The following DOT1L variants were observed in gnomAD, a reference collection of about 807,000 sequenced individuals.
The protein encoded by DOT1L is histone-lysine N-methyltransferase, H3 lysine-79 specific.
Under a neutral mutation model 153.3 loss-of-function variants are expected in DOT1L, and 33 were observed. The observed-to-expected ratio is 0.22, with a 90% confidence interval of 0.16 to 0.29. The LOEUF is 0.29. Among genes scored for constraint, DOT1L ranks in the 10% least tolerant of loss-of-function variants. The pLI is 1.00. For synonymous variants in DOT1L, 1,135 were observed against 965.1 expected (o/e 1.18, Z -3.26); for missense variants, 1,847 against 2,119.9 (o/e 0.87, Z 2.53).
Position 2,181,760 on chromosome 19 carries a change from A to C in DOT1L, c.125+1004A>C, listed in dbSNP as rs113484249. ...CTGGACCCCAGCCCAGCCCCCGCCC[A>C]GCACCAGCCCCAGCCCCAGCCCCAG... On this transcript the variant is annotated intron_variant, in intron 2 of 27. Coordinates refer to ENST00000398665, the MANE Select transcript of DOT1L (RefSeq NM_032482.3). 7.8e-3 allele frequency among the ~76,000 whole-genome samples: 1,085 copies of C among 138,442 alleles called. 9 individuals are homozygous for C. Among genetic ancestry groups the C allele is most frequent in the African/African-American group, 0.026 (1,003 of 38,120 alleles). 90.8% of individuals were successfully genotyped at this position (138,442 alleles called of 152,430 possible).
rs2024154075 is a variant in DOT1L at position 2,222,398 on chromosome 19, C to T, written c.3229C>T (p.Pro1077Ser). The T allele has an allele frequency of 1.2e-6, 2 of 1,610,742 alleles. No homozygotes were observed. The highest frequency in any genetic ancestry group is 1.3e-5 in the African/African-American group (1 of 75,040). ...LTASARGDCV[P>S]SHGQDSRRRG... ...CGCCAGCGCCCGTGGGGACTGTGTG[C>T]CGAGCCACGGGCAGGACAGTCGCAG... The change falls in exon 24 of 28, where the codon CCG (proline) becomes TCG (serine). Residue 1077 changes from proline (P) to serine (S), a missense_variant. Physicochemically the swap from Pro to Ser is moderately conservative, Grantham distance 74. Coordinates refer to ENST00000398665, the MANE Select transcript of DOT1L (RefSeq NM_032482.3). The surrounding 1 kb of genome is among the most constrained non-coding windows in gnomAD (Gnocchi z 6.5).
chr19:2,202,021 C>A (rs2023307625), intron 8 of DOT1L, among the ~76,000 whole-genome samples: 1 of 152,220 alleles, frequency 6.6e-6, no homozygotes, highest in African/African-American at 2.4e-5. Flanking sequence ...CTTCCCTGAA[C>A]ACCCAGTTAC....
intron 7 of DOT1L, 121 bp from the exon 8 acceptor site, chr19:2,199,763 C>A: frequency 2.2e-6 from 3 of 1,367,686 alleles, no homozygotes; most frequent in Non-Finnish European, 3.0e-6. Context: ...GCCTGGGCCT[C>A]CTCCTGCTCC....
intron 19 of DOT1L, chr19:2,214,807 G>T (rs1292663558): frequency 1.6e-6 from 1 of 619,102 alleles, no homozygotes; most frequent in Admixed American, 3.5e-5. Flanking sequence ...CAGCTCTCGG[G>T]GGCATCTCGG....
intron 3 of DOT1L, among the ~76,000 whole-genome samples, chr19:2,187,016 T>C (rs901648222): frequency 1.3e-5 from 2 of 152,218 alleles, no homozygotes; most frequent in Admixed American, 6.5e-5. Context: ...CTCTGCACCC[T>C]GTGCTTTCGG....
chr19:2,227,866 C>T (rs2024421592), intron 27 of DOT1L: 3 of 1,280,488 alleles, frequency 2.3e-6, no homozygotes, highest in Non-Finnish European at 3.0e-6. Flanking sequence ...GCCTCGGCCT[C>T]TTCCTTTCAG....
chr19:2,180,572 C>T lies in DOT1L; in HGVS notation c.82-141C>T, dbSNP rs1034640325. Reference sequence around the variant, plus strand: ...GTCTGGGAGTGTCTCTGGTGGTACCCGCTGGGTGGTGGGCTTGGGAGCTGC... The same window carrying T: ...GTCTGGGAGTGTCTCTGGTGGTACCTGCTGGGTGGTGGGCTTGGGAGCTGC... On this transcript the variant is annotated intron_variant, in intron 1 of 27. Coordinates refer to ENST00000398665, the MANE Select transcript of DOT1L (RefSeq NM_032482.3). 1.7e-5 allele frequency: 17 copies of T among 983,574 alleles called. No homozygotes were observed. The Admixed American group carries it at 2.4e-4, about 14-fold the overall frequency. The allele number at this position is 983,574 out of a possible 1,614,324, so 60.9% of individuals were successfully genotyped here. A position where few individuals can be genotyped will look rare whatever the true frequency, so the allele number is the denominator to read the frequency against.
rs138798759 is a variant in DOT1L at position 2,196,490 on chromosome 19, G to A, written c.651+1913G>A. ...TGGAATTAAAGGCGCATGCCACCAC[G>A]CCCGGCTAATTTTTGTATTTTTAGT... is the stretch of plus-strand genomic sequence containing the variant. On this transcript the variant is annotated intron_variant, in intron 7 of 27. Coordinates refer to ENST00000398665, the MANE Select transcript of DOT1L (RefSeq NM_032482.3). Among the ~76,000 whole-genome samples the A allele has an allele frequency of 4.6e-5, 7 of 152,212 alleles. No homozygotes were observed. The East Asian group carries it at 5.8e-4, about 13-fold the overall frequency.
chr19:2,221,692 C>A (rs2024120990), intron 23 of DOT1L: 2 of 466,740 alleles, frequency 4.3e-6, no homozygotes, highest in South Asian at 9.3e-5. Flanking sequence ...CAGCGGGGAG[C>A]CCGCACCAGG....
At position 2,164,117 on chromosome 19, in the gene DOT1L, G is replaced by A; in HGVS notation, c.-68G>A. On this transcript the variant is annotated 5_prime_UTR_variant, in exon 1 of 28. Coordinates refer to ENST00000398665, the MANE Select transcript of DOT1L (RefSeq NM_032482.3). The stretch of plus-strand genomic sequence containing the variant: ...CCCTCCCTCCCGCCCGCCCTCCTCC[G>A]CCCACCGGCGGCCCCGCCCCTCCCC... The A allele has an allele frequency of 5.0e-5, 1 of 20,024 alleles. No individual in the cohort carries two copies. Among genetic ancestry groups the A allele is most frequent in the Non-Finnish European group, 8.0e-5 (1 of 12,572 alleles). The allele number at this position is 20,024 out of a possible 1,614,324, so 1.2% of individuals were successfully genotyped here.
At chr19:2,227,824 T>A (rs1180428243) in intron 27 of DOT1L, 1 of 1,298,136 alleles carries the variant, frequency 7.7e-7, no homozygotes, top group Non-Finnish European at 1.0e-6. Context: ...AGCGCCACAC[T>A]GGGCCCGAGC....
chr19:2,220,789 C>G lies in DOT1L; in HGVS notation c.2806+567C>G. On this transcript the variant is annotated intron_variant, in intron 23 of 27. Transcript: ENST00000398665. The surrounding 1 kb of genome is among the most constrained non-coding windows in gnomAD (Gnocchi z 4.5). ...ATGGCTGTGTGCCAGCAAAACTGTA[C>G]TTAAAACAGCAGAGGACATGAGACC... 2.9e-6 allele frequency: 1 copy of G among 342,724 alleles called. No homozygotes were observed. The highest frequency in any genetic ancestry group is 5.8e-6 in the Non-Finnish European group (1 of 172,388). 21.2% of individuals were successfully genotyped at this position (342,724 alleles called of 1,614,324 possible).
rs375314788 is a variant in DOT1L at position 2,188,480 on chromosome 19, G to GCCCCCCCCCC, written c.201-1247_201-1238dup. On this transcript the variant is annotated intron_variant, in intron 3 of 27. Transcript: ENST00000398665. ...GCGGAGGAAAGAGTCCCCAGCCGCCGCCCCCCCCCCCCCCACCCGCACAGG... is the reference window on the plus strand; with the variant it reads ...GCGGAGGAAAGAGTCCCCAGCCGCCGCCCCCCCCCCCCCCCCCCCCCCCCACCCGCACAGG... 1.0e-4 allele frequency among the ~76,000 whole-genome samples: 7 copies of GCCCCCCCCCC among 66,998 alleles called. 1 individual carries two copies. The highest frequency in any genetic ancestry group is 2.0e-4 in the Non-Finnish European group (7 of 35,024). 44.0% of individuals were successfully genotyped at this position (66,998 alleles called of 152,430 possible).
chr19:2,228,519 G>A (rs1245551468), intron 27 of DOT1L: 1 of 1,166,036 alleles, frequency 8.6e-7, no homozygotes, highest in Non-Finnish European at 1.1e-6. Flanking sequence ...GGGAGACCAG[G>A]GAGATGGTCG....
intron 12 of DOT1L, 28 bp from the exon 13 acceptor site, chr19:2,210,372 C>G: frequency 6.7e-7 from 1 of 1,490,476 alleles, no homozygotes; most frequent in Non-Finnish European, 8.9e-7. Context: ...GCTGGGGCTT[C>G]CTGTGGCTCA....
At position 2,224,004 on chromosome 19, in the gene DOT1L, G is replaced by T. The variant is rs186066815; in HGVS notation, c.3596+518G>T. Among the ~76,000 whole-genome samples, 507 of 151,728 alleles carry T rather than the reference G, an allele frequency of 3.3e-3. 2 individuals are homozygous for T. The highest frequency in any genetic ancestry group is 5.7e-3 in the Non-Finnish European group (388 of 67,874). On this transcript the variant is annotated intron_variant, in intron 25 of 27. Coordinates refer to ENST00000398665, the MANE Select transcript of DOT1L (RefSeq NM_032482.3). Reference sequence around the variant, plus strand: ...CTCCCAAGAGCCCCTGGCACCCCCCGCCCCCATCCTACTTTCTGTCTCTGA... The same window carrying T: ...CTCCCAAGAGCCCCTGGCACCCCCCTCCCCCATCCTACTTTCTGTCTCTGA...
chr19:2,214,461 AT>A lies in DOT1L; in HGVS notation c.1798-9del. 1 of 1,612,250 alleles carries A rather than the reference AT, an allele frequency of 6.2e-7. No homozygotes were observed. The highest frequency in any genetic ancestry group is 1.1e-5 in the South Asian group (1 of 90,928). On this transcript the variant is annotated splice_polypyrimidine_tract_variant and intron_variant, in intron 18 of 27. Coordinates refer to ENST00000398665, the MANE Select transcript of DOT1L (RefSeq NM_032482.3). ...AGCCAGTCGCAACTGTCCCATCCCT[AT>A]CCCCTCAGCTCAAGGCTCGCTGCGA... is the stretch of plus-strand genomic sequence containing the variant.
intron 25 of DOT1L, among the ~76,000 whole-genome samples, chr19:2,224,061 G>C (rs1009726507): frequency 1.3e-5 from 2 of 152,128 alleles, no homozygotes; most frequent in Admixed American, 6.5e-5. Context: ...CCTAGGAGCG[G>C]AGTCACACAG....
intron 1 of DOT1L, among the ~76,000 whole-genome samples, chr19:2,174,956 ATATG>A (rs1268251291): frequency 4.0e-5 from 4 of 100,522 alleles, no homozygotes; most frequent in African/African-American, 7.5e-5. Flanking sequence ...GTTTTTAAAT[ATATG>A]TGTGTGTGTG....
Sources: allele counts gnomAD v4.1 joint callset (sites outside exome capture counted in the v4.1 genomes callset), GRCh38; gene constraint gnomAD v4.1.1; non-coding constraint Gnocchi (gnomAD v3.1); transcripts MANE v1.5; gene names NCBI Gene and HGNC (gene_info 2026-07-23, HGNC 2026-07-21).